The following GSE1 variants were observed in gnomAD, a reference collection of about 807,000 sequenced individuals.
The protein encoded by GSE1 is Gse1 coiled-coil protein, also known as genetic suppressor element 1.
GSE1 carries 32 observed loss-of-function variants against 112.6 expected under a neutral mutation model. The observed-to-expected ratio is 0.28, with a 90% CI of 0.21 to 0.38. The LOEUF is 0.38. GSE1 is among the 10% of genes least tolerant of loss of function. The pLI, the probability that GSE1 is intolerant of heterozygous loss-of-function variation, is 1.00. For synonymous variants in GSE1, 1,115 were observed against 735.6 expected (o/e 1.52, Z -8.35); for missense variants, 2,348 against 1,699.2 (o/e 1.38, Z -6.71).
chr16:85,521,312 G>A (rs767021173), intron 2 of GSE1, among the ~76,000 whole-genome samples: 4 of 152,134 alleles, frequency 2.6e-5, no homozygotes, highest in South Asian at 2.1e-4. Flanking sequence ...CTCACCTCGC[G>A]CTCACCTTTG....
At chr16:85,185,947 G>A (rs1032345420) in intron 1 of GSE1, among the ~76,000 whole-genome samples, 1 of 152,246 alleles carries the variant, frequency 6.6e-6, no homozygotes, top group Non-Finnish European at 1.5e-5. Flanking sequence ...GGAGGCCTGA[G>A]CAGGGTGATG....
At chr16:85,196,554 G>A (rs1394403527) in intron 1 of GSE1, among the ~76,000 whole-genome samples, 5 of 152,112 alleles carry the variant, frequency 3.3e-5, no homozygotes, top group Admixed American at 6.6e-5. Flanking sequence ...TGGTGCCCAG[G>A]GGGAGTTTGG....
At chr16:85,234,487 G>GTT (rs1904393344) in intron 1 of GSE1, among the ~76,000 whole-genome samples, 1 of 152,220 alleles carries the variant, frequency 6.6e-6, no homozygotes, top group Non-Finnish European at 1.5e-5. Flanking sequence ...CCTGGAGACG[G>GTT]ATGGGCGGTT....
intron 2 of GSE1, among the ~76,000 whole-genome samples, chr16:85,544,563 G>A (rs998850842): frequency 1.3e-5 from 2 of 152,164 alleles, no homozygotes; most frequent in Admixed American, 6.5e-5. Context: ...CTGGTCTGTC[G>A]CACTAAAAAG....
intron 1 of GSE1, among the ~76,000 whole-genome samples, chr16:85,196,721 A>G (rs1049087172): frequency 2.0e-5 from 3 of 152,110 alleles, no homozygotes; most frequent in African/African-American, 7.2e-5. Flanking sequence ...TTCTTTGCCA[A>G]GGCTCCCTGT....
At chr16:85,573,706 G>A (rs772282974) in intron 1 of GSE1, among the ~76,000 whole-genome samples, 4 of 152,312 alleles carry the variant, frequency 2.6e-5, no homozygotes, top group East Asian at 1.9e-4. Context: ...CAGTGGGCGC[G>A]TCCGGAGGGG....
chr16:85,256,857 C>G (rs186810638), intron 1 of GSE1, among the ~76,000 whole-genome samples: 1 of 152,266 alleles, frequency 6.6e-6, no homozygotes, highest in Non-Finnish European at 1.5e-5. Context: ...TTCAATGAAA[C>G]GCAACGCAAA....
At chr16:85,506,576 G>C (rs1225089369) in intron 2 of GSE1, among the ~76,000 whole-genome samples, 1 of 152,144 alleles carries the variant, frequency 6.6e-6, no homozygotes, top group African/African-American at 2.4e-5. Flanking sequence ...TTTGAGGATG[G>C]AAGAGGAGGT....
chr16:85,638,811 G>A (rs2050212934), intron 2 of GSE1, among the ~76,000 whole-genome samples: 1 of 149,560 alleles, frequency 6.7e-6, no homozygotes, highest in African/African-American at 2.5e-5. Flanking sequence ...CATCTGCCCT[G>A]GGAGGGCGTG....
chr16:85,566,988 G>T (rs1370054796), intron 1 of GSE1, among the ~76,000 whole-genome samples: 2 of 152,088 alleles, frequency 1.3e-5, no homozygotes. Flanking sequence ...AAGTGTCACG[G>T]CCTTTATCTT....
chr16:85,530,842 T>G (rs965554640), intron 2 of GSE1, among the ~76,000 whole-genome samples: 1 of 152,256 alleles, frequency 6.6e-6, no homozygotes, highest in Non-Finnish European at 1.5e-5. Flanking sequence ...AGGGGAAACC[T>G]TGAGGCCCAA....
chr16:85,379,956 C>G (rs1240768904), intron 2 of GSE1, among the ~76,000 whole-genome samples: 1 of 152,258 alleles, frequency 6.6e-6, no homozygotes, highest in African/African-American at 2.4e-5. Flanking sequence ...TACCAAGACC[C>G]TACCCCTGCC....
chr16:85,177,281 G>T (rs1185347085), intron 1 of GSE1, among the ~76,000 whole-genome samples: 1 of 152,198 alleles, frequency 6.6e-6, no homozygotes, highest in Non-Finnish European at 1.5e-5. Context: ...AACTCTGCTG[G>T]GAGTGTCTTT....
At chr16:85,203,568 G>T (rs1294278855) in intron 1 of GSE1, among the ~76,000 whole-genome samples, 1 of 152,222 alleles carries the variant, frequency 6.6e-6, no homozygotes. Flanking sequence ...GGGAGGAAGA[G>T]TGGCAAGTGG....
chr16:85,309,502 TAATAAATA>T (rs74276410), intron 1 of GSE1, among the ~76,000 whole-genome samples: 25 of 150,828 alleles, frequency 1.7e-4, no homozygotes, highest in African/African-American at 6.1e-4. Context: ...TCTAAAACAA[TAATAAATA>T]AATAAATAAA....
intron 1 of GSE1, among the ~76,000 whole-genome samples, chr16:85,323,690 T>C (rs1186227476): frequency 6.6e-6 from 1 of 151,684 alleles, no homozygotes; most frequent in Non-Finnish European, 1.5e-5. Context: ...TGGGGGGAGG[T>C]CTGGAGACCT....
upstream of GSE1, among the ~76,000 whole-genome samples, chr16:85,612,586 A>T (rs907004654): frequency 6.7e-6 from 1 of 149,322 alleles, no homozygotes; most frequent in Admixed American, 6.7e-5. Context: ...AGCGGCCCGC[A>T]ATTGTGGCCT....
chr16:85,460,535 C>T (rs62050401), intron 2 of GSE1, among the ~76,000 whole-genome samples: 1 of 152,214 alleles, frequency 6.6e-6, no homozygotes, highest in Non-Finnish European at 1.5e-5. Context: ...CCCAGCACTT[C>T]GTTTCAAAAG....
At chr16:85,362,673 C>T (rs186590145) in intron 2 of GSE1, among the ~76,000 whole-genome samples, 15 of 152,250 alleles carry the variant, frequency 9.9e-5, no homozygotes, top group African/African-American at 3.1e-4. Context: ...GCACAACTCC[C>T]GGAGGCACCA....
Sources: gnomAD v4.1 joint callset for allele counts (sites outside exome capture counted in the v4.1 genomes callset) on GRCh38, gnomAD v4.1.1 for gene constraint, MANE v1.5 for transcripts, NCBI Gene and HGNC (gene_info 2026-07-23, HGNC 2026-07-21) for gene names.